Variants in TENM1 observed in about 807,000 individuals in gnomAD.
The protein encoded by TENM1 is teneurin transmembrane protein 1.
A neutral mutation model predicts 174.8 loss-of-function variants in TENM1; 35 were observed. The observed-to-expected ratio is 0.20, with a 90% CI of 0.15 to 0.27. TENM1 has a LOEUF of 0.27. TENM1 is among the 10% of genes least tolerant of loss of function. The pLI, the probability that TENM1 is intolerant of heterozygous loss-of-function variation, is 1.00. For synonymous variants in TENM1, 781 were observed against 798.7 expected (o/e 0.98, Z 0.37); for missense variants, 1,633 against 2,130.1 (o/e 0.77, Z 4.59).
chrX:125,001,974 A>ACAC, the TENM1 span, among the ~76,000 whole-genome samples: 1 of 101,579 alleles, frequency 9.8e-6, no homozygotes, highest in African/African-American at 3.7e-5. Context: ...CACACACACA[A>ACAC]GATCAAGTCA....
At chrX:124,966,977 T>TTAATATA (rs1347367347), upstream of TENM1, among the ~76,000 whole-genome samples, 19 of 111,622 alleles carry the variant, frequency 1.7e-4, no homozygotes, top group Non-Finnish European at 3.2e-4. Context: ...AGACATAGTC[T>TTAATATA]CGGCCCCTGA....
the TENM1 span, among the ~76,000 whole-genome samples, chrX:125,002,126 T>C: frequency 8.9e-6 from 1 of 111,880 alleles, no homozygotes; most frequent in South Asian, 3.7e-4. Context: ...AGTCATGTCT[T>C]TTTTATTCAC....
the TENM1 span, among the ~76,000 whole-genome samples, chrX:125,138,185 C>T: frequency 4.5e-5 from 5 of 111,208 alleles, no homozygotes; most frequent in Admixed American, 2.9e-4. Flanking sequence ...TAATTAAATG[C>T]TGCCCCTGGT....
intron 25 of TENM1, among the ~76,000 whole-genome samples, chrX:124,414,210 A>G (rs2060568550): frequency 8.9e-6 from 1 of 111,774 alleles, no homozygotes; most frequent in South Asian, 3.8e-4. Context: ...GTAAACGGAG[A>G]GTCTCCTTCA....
chrX:124,408,790 G>T (rs1238370520), intron 25 of TENM1, among the ~76,000 whole-genome samples: 1 of 100,979 alleles, frequency 9.9e-6, no homozygotes, highest in Admixed American at 1.1e-4. Context: ...TTTAACATTA[G>T]GTGTATCTCC....
chrX:125,091,728 C>T, the TENM1 span, among the ~76,000 whole-genome samples: 1 of 110,813 alleles, frequency 9.0e-6, no homozygotes, highest in South Asian at 3.9e-4. Flanking sequence ...TGGCTCACAC[C>T]TGTAATCCCA....
At chrX:125,152,800 G>T in the TENM1 span, among the ~76,000 whole-genome samples, 1 of 112,131 alleles carries the variant, frequency 8.9e-6, no homozygotes, top group Admixed American at 9.5e-5. Context: ...GGAAAGAAAG[G>T]AAGACAGGAC....
At chrX:124,890,653 C>T (rs1255501156) in intron 3 of TENM1, among the ~76,000 whole-genome samples, 4 of 110,774 alleles carry the variant, frequency 3.6e-5, no homozygotes, top group Non-Finnish European at 7.6e-5. Flanking sequence ...GTTACAATGG[C>T]TTTTACCCAA....
At chrX:124,910,656 A>G (rs1034924728) in intron 1 of TENM1, among the ~76,000 whole-genome samples, 7 of 111,728 alleles carry the variant, frequency 6.3e-5, no homozygotes, top group African/African-American at 1.9e-4. Context: ...CCTAGGCACA[A>G]TTTAAGGTAG....
chrX:124,886,991 T>C (rs760784970), intron 3 of TENM1, among the ~76,000 whole-genome samples: 9 of 110,795 alleles, frequency 8.1e-5, no homozygotes, highest in Non-Finnish European at 1.7e-4. Flanking sequence ...GATAAGTATA[T>C]GGGAAAACAG....
At chrX:124,434,544 A>C in intron 23 of TENM1, among the ~76,000 whole-genome samples, 1 of 112,049 alleles carries the variant, frequency 8.9e-6, no homozygotes, top group Middle Eastern at 4.6e-3. Context: ...CCACTACCTC[A>C]TCTTAATAAC....
the TENM1 span, among the ~76,000 whole-genome samples, chrX:125,110,645 GA>G: frequency 9.1e-6 from 1 of 109,963 alleles, no homozygotes; most frequent in Admixed American, 9.8e-5. Flanking sequence ...AATTTCTGCA[GA>G]AAAAAATGCC....
chrX:124,490,203 G>T (rs1436171505), intron 20 of TENM1, among the ~76,000 whole-genome samples: 1 of 111,719 alleles, frequency 9.0e-6, no homozygotes, highest in Non-Finnish European at 1.9e-5. Flanking sequence ...GAAAATTTTG[G>T]GCACCATGGA....
chrX:124,459,006 G>C (rs1281673340), intron 22 of TENM1, among the ~76,000 whole-genome samples: 5 of 112,180 alleles, frequency 4.5e-5, no homozygotes, highest in Non-Finnish European at 9.4e-5. Context: ...ACATGGCGTT[G>C]CTCTTAGAAA....
chrX:124,449,627 C>A (rs757292967), intron 23 of TENM1, among the ~76,000 whole-genome samples: 1 of 112,124 alleles, frequency 8.9e-6, no homozygotes, highest in Admixed American at 9.4e-5. Context: ...CATTCACACC[C>A]TTCTTTATTG....
At chrX:124,902,349 T>C (rs1238167680) in intron 1 of TENM1, among the ~76,000 whole-genome samples, 2 of 112,329 alleles carry the variant, frequency 1.8e-5, no homozygotes, top group Non-Finnish European at 3.8e-5. Context: ...GTACCTACTA[T>C]GAATTGCAAG....
At chrX:124,964,142 A>G, upstream of TENM1, among the ~76,000 whole-genome samples, 1 of 112,630 alleles carries the variant, frequency 8.9e-6, no homozygotes, top group Admixed American at 9.4e-5. Context: ...TGTTAAAATC[A>G]GTGGTTAGAT....
chrX:124,588,692 T>C (rs1404021420), intron 11 of TENM1, among the ~76,000 whole-genome samples: 2 of 111,248 alleles, frequency 1.8e-5, no homozygotes, highest in African/African-American at 6.5e-5. Flanking sequence ...TAAAGTATAA[T>C]AATAATAAAA....
Position 124,787,173 on chromosome X carries a change from A to G in TENM1, c.536-49976T>C, listed in dbSNP as rs987193050. ...TTTTTAACCTTTTATGTACAAAAGC[A>G]GAGGCATATTAATTGGAACTGATTT... On this transcript the variant is annotated intron_variant, in intron 3 of 31. Transcript: ENST00000422452. Among the ~76,000 whole-genome samples, 20 of 111,861 alleles carry G rather than the reference A, an allele frequency of 1.8e-4. No individual in the cohort carries two copies. The Admixed American group carries it at 1.9e-3, about 11-fold the overall frequency.
Sources: gnomAD v4.1 joint callset for allele counts (sites outside exome capture counted in the v4.1 genomes callset) on GRCh38, gnomAD v4.1.1 for gene constraint, MANE v1.5 for transcripts, NCBI Gene and HGNC (gene_info 2026-07-23, HGNC 2026-07-21) for gene names.